Variants in RUNX1 observed in about 807,000 individuals in gnomAD.
RUNX1 encodes the protein runt-related transcription factor 1.
In RUNX1, 19 loss-of-function variants were observed where a neutral mutation model predicts 42.8. The ratio of observed to expected loss-of-function variants is 0.44; its 90% CI spans 0.31 to 0.65. The LOEUF is 0.65. Ranked by LOEUF, RUNX1 falls within the 30% of genes least tolerant of loss-of-function variation. The pLI, the probability that RUNX1 is intolerant of heterozygous loss-of-function variation, is 0.07. For missense variants in RUNX1, 528 were observed against 672.0 expected, an observed-to-expected ratio of 0.79 and a Z score of 2.37; for synonymous variants, 271 against 289.4, an observed-to-expected ratio of 0.94 and a Z score of 0.64.
intron 7 of RUNX1, among the ~76,000 whole-genome samples, chr21:34,822,469 C>T (rs1176227176): frequency 6.6e-6 from 1 of 152,242 alleles, no homozygotes; most frequent in Non-Finnish European, 1.5e-5. Flanking sequence ...TAGACACAAT[C>T]ACAAACAAAG....
At chr21:34,856,118 G>A (rs1396475969) in intron 6 of RUNX1, among the ~76,000 whole-genome samples, 1 of 152,100 alleles carries the variant, frequency 6.6e-6, no homozygotes, top group Non-Finnish European at 1.5e-5. Flanking sequence ...CTTCACCACT[G>A]AAAACCCTGG....
chr21:34,998,883 C>T (rs975605353), intron 2 of RUNX1, among the ~76,000 whole-genome samples: 1 of 152,214 alleles, frequency 6.6e-6, no homozygotes, highest in Admixed American at 6.5e-5. Context: ...CGCTCTCACC[C>T]TACTAAATAT....
At position 34,902,061 on chromosome 21, in the gene RUNX1, A is replaced by T. The variant is rs533353035; in HGVS notation, c.59-9098T>A. ...TCTAAGTTGAGTAAAAAAGAAATGA[A>T]TGAATGTATGAATTGAAAGCAGGGG... On this transcript the variant is annotated intron_variant, in intron 2 of 8. Coordinates refer to ENST00000675419, the MANE Select transcript of RUNX1 (RefSeq NM_001754.5). Among the ~76,000 whole-genome samples, 10 of 152,350 alleles carry T rather than the reference A, an allele frequency of 6.6e-5. 1 individual carries two copies. The South Asian group carries it at 1.7e-3, about 25-fold the overall frequency.
At chr21:34,801,013 A>C (rs1344935177) in intron 7 of RUNX1, among the ~76,000 whole-genome samples, 1 of 152,142 alleles carries the variant, frequency 6.6e-6, no homozygotes, top group Admixed American at 6.6e-5. Flanking sequence ...CTCCTGTGTA[A>C]TCTTACAGCT....
At chr21:34,967,731 G>A (rs2058731937) in intron 2 of RUNX1, among the ~76,000 whole-genome samples, 1 of 152,104 alleles carries the variant, frequency 6.6e-6, no homozygotes. Context: ...TCCCTAGCAG[G>A]GTCTCAAATG....
At chr21:34,866,172 C>G (rs550996817) in intron 5 of RUNX1, among the ~76,000 whole-genome samples, 2 of 152,268 alleles carry the variant, frequency 1.3e-5, no homozygotes, top group Admixed American at 1.3e-4. Flanking sequence ...GCTGCAGACA[C>G]AAAGGAGCCG....
intron 7 of RUNX1, among the ~76,000 whole-genome samples, chr21:34,824,103 A>G (rs536973141): frequency 6.6e-6 from 1 of 152,310 alleles, no homozygotes; most frequent in African/African-American, 2.4e-5. Flanking sequence ...CCTATCCATG[A>G]TTCAGTCAAC....
intron 8 of RUNX1, 152 bp downstream of exon 8, chr21:34,799,149 T>G: frequency 1.2e-6 from 1 of 806,224 alleles, no homozygotes. Flanking sequence ...TCCAAGAAAA[T>G]CAGTGCATGG....
intron 2 of RUNX1, among the ~76,000 whole-genome samples, chr21:35,013,376 A>C (rs2059139070): frequency 6.6e-6 from 1 of 152,242 alleles, no homozygotes; most frequent in South Asian, 2.1e-4. Context: ...CTAGTTTATA[A>C]CTGAATATCA....
At chr21:34,810,987 G>A (rs1185258087) in intron 7 of RUNX1, among the ~76,000 whole-genome samples, 1 of 152,278 alleles carries the variant, frequency 6.6e-6, no homozygotes, top group East Asian at 1.9e-4. Context: ...TCCTCCTGCA[G>A]AGCAGCAGCC....
chr21:34,978,768 A>G lies in RUNX1; in HGVS notation c.58+70074T>C, dbSNP rs118162352. ...ATAGTCTGCTGTTTCTGCCAGTTCT[A>G]CTGATAAACTGTGGGCTGTTGTATT... is the stretch of plus-strand genomic sequence containing the variant. On this transcript the variant is annotated intron_variant, in intron 2 of 8. Transcript: ENST00000675419. Among the ~76,000 whole-genome samples, 3 of 152,196 alleles carry G rather than the reference A, an allele frequency of 2.0e-5. No individual in the cohort carries two copies. The East Asian group carries it at 5.8e-4, about 29-fold the overall frequency.
At chr21:34,815,677 C>T (rs139563998) in intron 7 of RUNX1, among the ~76,000 whole-genome samples, 1 of 152,236 alleles carries the variant, frequency 6.6e-6, no homozygotes, top group Non-Finnish European at 1.5e-5. Context: ...AACGCCACTG[C>T]CAGGAGCTAG....
At chr21:35,034,807 A>T (rs1162312677) in intron 2 of RUNX1, among the ~76,000 whole-genome samples, 1 of 152,188 alleles carries the variant, frequency 6.6e-6, no homozygotes, top group Admixed American at 6.5e-5. Flanking sequence ...CACCTTGACC[A>T]TGGGAGCTGA....
chr21:35,027,616 G>A (rs1289883779), intron 2 of RUNX1, among the ~76,000 whole-genome samples: 2 of 152,214 alleles, frequency 1.3e-5, no homozygotes. Flanking sequence ...AATGGTTAAG[G>A]TATTTAAAAA....
At chr21:34,863,469 T>C (rs569985179) in intron 5 of RUNX1, among the ~76,000 whole-genome samples, 2 of 151,806 alleles carry the variant, frequency 1.3e-5, no homozygotes, top group South Asian at 4.2e-4. Flanking sequence ...CTAACCTATA[T>C]AATCAGGAGT....
chr21:34,934,264 TTTTTA>T (rs1307182323), intron 2 of RUNX1, among the ~76,000 whole-genome samples: 1 of 152,158 alleles, frequency 6.6e-6, no homozygotes, highest in African/African-American at 2.4e-5. Context: ...GTCAAGTTTT[TTTTTA>T]ATTTTTTTTT....
rs1352234363 is a variant in RUNX1 at position 34,790,861 on chromosome 21, TAC to T, written c.*1272_*1273del. 1.3e-5 allele frequency: 3 copies of T among 233,206 alleles called. No homozygotes were observed. The highest frequency in any genetic ancestry group is 6.6e-5 in the African/African-American group (3 of 45,322). 14.4% of individuals were successfully genotyped at this position (233,206 alleles called of 1,614,324 possible). Reference sequence around the variant, plus strand: ...GGTTCCTATGTAAATGTGGCTCCCCTACACAGTTTACTTTGGCTGTGTTCTGT... The same window carrying T: ...GGTTCCTATGTAAATGTGGCTCCCCTACAGTTTACTTTGGCTGTGTTCTGT... On this transcript the variant is annotated 3_prime_UTR_variant, in exon 9 of 9. Transcript: ENST00000675419.
At chr21:34,826,531 C>T (rs575389039) in intron 7 of RUNX1, among the ~76,000 whole-genome samples, 121 of 151,010 alleles carry the variant, frequency 8.0e-4, no homozygotes, top group African/African-American at 2.6e-3. Context: ...TCCACCTCCC[C>T]GGCTCAAGCG....
chr21:34,944,576 G>A (rs1236909745), intron 2 of RUNX1, among the ~76,000 whole-genome samples: 1 of 152,168 alleles, frequency 6.6e-6, no homozygotes, highest in Non-Finnish European at 1.5e-5. Context: ...TAGCACAAAT[G>A]TCATTTGGCA....
Sources: allele counts gnomAD v4.1 joint callset (sites outside exome capture counted in the v4.1 genomes callset), GRCh38; gene constraint gnomAD v4.1.1; transcripts MANE v1.5; gene names NCBI Gene and HGNC (gene_info 2026-07-23, HGNC 2026-07-21).